The following AFAP1 variants were observed in gnomAD, a reference collection of about 807,000 sequenced individuals.
AFAP1 encodes actin filament associated protein 1.
A neutral mutation model predicts 93.9 loss-of-function variants in AFAP1; 75 were observed. The ratio of observed to expected loss-of-function variants is 0.80; its 90% CI spans 0.66 to 0.97. AFAP1 has a LOEUF of 0.97. Among genes scored for constraint, AFAP1 ranks in the 50% least tolerant of loss-of-function variants. The pLI is 0.00. For synonymous variants in AFAP1, 517 were observed against 430.7 expected (o/e 1.20, Z -2.48); for missense variants, 1,201 against 1,050.8 (o/e 1.14, Z -1.98).
intron 1 of AFAP1, among the ~76,000 whole-genome samples, chr4:7,914,050 T>C (rs959668343): frequency 1.1e-3 from 171 of 151,566 alleles, no homozygotes; most frequent in African/African-American, 3.8e-3. Flanking sequence ...TATCTGGAAC[T>C]ATATATTCTT....
chr4:7,794,526 A>G (rs752804232), intron 10 of AFAP1, among the ~76,000 whole-genome samples: 2 of 151,576 alleles, frequency 1.3e-5, no homozygotes, highest in Non-Finnish European at 2.9e-5. Context: ...CCTTTTATTT[A>G]TTTATTTTTT....
chr4:7,838,303 C>T (rs1431821851), intron 6 of AFAP1, among the ~76,000 whole-genome samples: 1 of 152,104 alleles, frequency 6.6e-6, no homozygotes, highest in East Asian at 1.9e-4. Flanking sequence ...AAGCAGCCTA[C>T]AAACAGAGAC....
chr4:7,917,370 G>A (rs1292629836), intron 1 of AFAP1, among the ~76,000 whole-genome samples: 2 of 152,104 alleles, frequency 1.3e-5, no homozygotes, highest in African/African-American at 4.8e-5. Flanking sequence ...ATATTTGTAG[G>A]TACACTGGAA....
At chr4:7,834,092 T>TACACACACACAC (rs142790415) in intron 6 of AFAP1, among the ~76,000 whole-genome samples, 14,025 of 126,370 alleles carry the variant, frequency 0.11, 931 homozygotes, top group African/African-American at 0.17. Flanking sequence ...AACTGTGGCA[T>TACACACACACAC]ACACACACAC....
chr4:7,823,566 C>A (rs1721161955), intron 6 of AFAP1, among the ~76,000 whole-genome samples: 1 of 152,168 alleles, frequency 6.6e-6, no homozygotes, highest in South Asian at 2.1e-4. Flanking sequence ...CCTGGAGTGT[C>A]CCCATCCCTC....
chr4:7,865,195 G>A (rs2149168163), intron 3 of AFAP1, among the ~76,000 whole-genome samples: 1 of 152,240 alleles, frequency 6.6e-6, no homozygotes, highest in South Asian at 2.1e-4. Flanking sequence ...GTGGCCCTCG[G>A]TCCTACATCA....
At chr4:7,769,713 C>T (rs1284154272) in intron 16 of AFAP1, among the ~76,000 whole-genome samples, 1 of 152,110 alleles carries the variant, frequency 6.6e-6, no homozygotes, top group Non-Finnish European at 1.5e-5. Context: ...GAGACGCTTC[C>T]TAGGATTCCT....
intron 1 of AFAP1, among the ~76,000 whole-genome samples, chr4:7,886,601 G>A (rs944894548): frequency 4.6e-5 from 7 of 152,160 alleles, no homozygotes; most frequent in South Asian, 4.1e-4. Flanking sequence ...ACTTTACTTC[G>A]GGAAATTAGC....
chr4:7,908,160 C>G (rs1033840337), intron 1 of AFAP1, among the ~76,000 whole-genome samples: 1 of 151,264 alleles, frequency 6.6e-6, no homozygotes, highest in Middle Eastern at 3.4e-3. Context: ...TGCAGTAAGC[C>G]GAGATCACAC....
At position 7,793,668 on chromosome 4, in the gene AFAP1, C is replaced by A. The variant is rs1718106930; in HGVS notation, c.1412+13G>T. 2 of 1,513,864 alleles carry A rather than the reference C, an allele frequency of 1.3e-6. No homozygotes were observed. Among genetic ancestry groups the A allele is most frequent in the Non-Finnish European group, 1.8e-6 (2 of 1,113,156 alleles). 93.8% of individuals were successfully genotyped at this position (1,513,864 alleles called of 1,614,324 possible). ...TGAACTGTGGTGCCATTTCACATGG[C>A]AGTGGGTCTTACCAGAAGGTCTGTT... On this transcript the variant is annotated intron_variant, in intron 11 of 17. Transcript: ENST00000420658.
Position 7,794,530 on chromosome 4 carries a change from A to AT in AFAP1, c.1267-705dup, listed in dbSNP as rs964364014. ...TTTTAAGCCATCCTTTTATTTATTT[A>AT]TTTTTTTTTGAGACAGGGTCTCGCT... On this transcript the variant is annotated intron_variant, in intron 10 of 17. Coordinates refer to ENST00000420658, the MANE Select transcript of AFAP1 (RefSeq NM_001134647.2). Among the ~76,000 whole-genome samples the AT allele has an allele frequency of 1.8e-3, 268 of 150,440 alleles. 2 individuals carry two copies. In the East Asian group the frequency reaches 0.024, roughly 14 times the overall value.
intron 1 of AFAP1, among the ~76,000 whole-genome samples, chr4:7,913,063 T>G (rs1395354705): frequency 6.6e-6 from 1 of 152,138 alleles, no homozygotes; most frequent in Admixed American, 6.6e-5. Context: ...TTATCCAGGC[T>G]GGTCTGCAAC....
At chr4:7,932,735 A>G (rs931390697) in intron 1 of AFAP1, among the ~76,000 whole-genome samples, 1 of 152,146 alleles carries the variant, frequency 6.6e-6, no homozygotes, top group Admixed American at 6.5e-5. Flanking sequence ...TCCATTTAAG[A>G]AGGATCTTCA....
At chr4:7,771,417 T>C (rs1354192132) in intron 16 of AFAP1, among the ~76,000 whole-genome samples, 1 of 152,094 alleles carries the variant, frequency 6.6e-6, no homozygotes, top group East Asian at 1.9e-4. Context: ...GTATTTTATA[T>C]ATAATAGATA....
intron 11 of AFAP1, among the ~76,000 whole-genome samples, chr4:7,789,252 T>C (rs961476160): frequency 2.0e-5 from 3 of 152,080 alleles, no homozygotes; most frequent in Non-Finnish European, 4.4e-5. Context: ...GAAGTGGAAA[T>C]GAAGTAAGAG....
At position 7,939,829 on chromosome 4, in the gene AFAP1, T is replaced by C. The variant is rs956523250; in HGVS notation, c.-176A>G. 9.4e-5 allele frequency: 27 copies of C among 288,644 alleles called. No homozygotes were observed. The highest frequency in any genetic ancestry group is 6.1e-4 in the African/African-American group (26 of 42,540). 17.9% of individuals were successfully genotyped at this position (288,644 alleles called of 1,614,324 possible). A position where few individuals can be genotyped will look rare whatever the true frequency, so the allele number is the denominator to read the frequency against. On this transcript the variant is annotated 5_prime_UTR_variant, in exon 1 of 18. Transcript: ENST00000420658. This position sits in a 1 kb window ranked among gnomAD's most constrained non-coding sequence, Gnocchi z 5.6. ...CGAGATCCGGCTCGGCTCGCGGAGC[T>C]GCAGCCGGCGTGGGGCTGCGGCCGG... is the stretch of plus-strand genomic sequence containing the variant.
At chr4:7,888,981 G>A (rs901139238) in intron 1 of AFAP1, among the ~76,000 whole-genome samples, 10 of 151,766 alleles carry the variant, frequency 6.6e-5, no homozygotes, top group South Asian at 2.1e-4. Context: ...TAGTAAAGAC[G>A]GGGTTTCACC....
At chr4:7,921,141 T>C (rs1720420130) in intron 1 of AFAP1, among the ~76,000 whole-genome samples, 1 of 150,654 alleles carries the variant, frequency 6.6e-6, no homozygotes, top group Non-Finnish European at 1.5e-5. Context: ...ATCTAATCTC[T>C]CTCAGCTTCA....
At chr4:7,783,028 T>TA (rs1716923937) in intron 12 of AFAP1, among the ~76,000 whole-genome samples, 1 of 152,214 alleles carries the variant, frequency 6.6e-6, no homozygotes, top group Admixed American at 6.5e-5. Context: ...AGTTTCTAGT[T>TA]TAAAGTATGT....
Sources: allele counts gnomAD v4.1 joint callset (sites outside exome capture counted in the v4.1 genomes callset), GRCh38; gene constraint gnomAD v4.1.1; non-coding constraint Gnocchi (gnomAD v3.1); transcripts MANE v1.5; gene names NCBI Gene and HGNC (gene_info 2026-07-23, HGNC 2026-07-21).